FRAS1: variants seen among roughly 807,000 people sequenced by gnomAD.
FRAS1 encodes the protein Fraser extracellular matrix complex subunit 1.
FRAS1 carries 290 observed loss-of-function variants against 435.2 expected under a neutral mutation model. The ratio of observed to expected loss-of-function variants is 0.67; its 90% CI spans 0.61 to 0.73. FRAS1 has a LOEUF of 0.73. Among genes scored for constraint, FRAS1 ranks in the 30% least tolerant of loss-of-function variants. The pLI is 0.00. For synonymous variants in FRAS1, 1,800 were observed against 1,851.0 expected (o/e 0.97, Z 0.71); for missense variants, 4,860 against 5,001.5 (o/e 0.97, Z 0.85).
At position 78,540,675 on chromosome 4, in the gene FRAS1, C is replaced by G. The variant is rs764563912; in HGVS notation, c.11590C>G (p.Leu3864Val). 1.2e-6 allele frequency: 2 copies of G among 1,613,578 alleles called. No homozygotes were observed. The highest frequency in any genetic ancestry group is 1.7e-6 in the Non-Finnish European group (2 of 1,179,642). ...GGTAGAGCCCGATGGCCAGCTGATC[C>G]TTGATGATTCCCTCATCTATGACAA... ...DLVEPDGQLILDDSLIYDNEG... is the reference protein window; with the variant it reads ...DLVEPDGQLIVDDSLIYDNEG... Residue 3864 changes from leucine (L) to valine (V), a missense_variant, in exon 74 of 74, where the codon CTT (leucine) becomes GTT (valine). Coordinates refer to ENST00000512123, the MANE Select transcript of FRAS1 (RefSeq NM_025074.7).
chr4:78,333,348 G>C lies in FRAS1; in HGVS notation c.2214G>C (p.Leu738=), dbSNP rs968200397. Residue 738 remains leucine (L), a synonymous_variant, in exon 19 of 74, where the codon CTG becomes CTC. Coordinates refer to ENST00000512123, the MANE Select transcript of FRAS1 (RefSeq NM_025074.7). ...NCTDCGPSHV[L]LDGQCLSQCP... is the part of the protein sequence containing the mutation. ...CAGACTGTGGGCCTTCCCATGTGCTGTTGGATGGGCAGTGCCTCTCCCAGT... is the reference window on the plus strand; with the variant it reads ...CAGACTGTGGGCCTTCCCATGTGCTCTTGGATGGGCAGTGCCTCTCCCAGT... 9 of 1,612,408 alleles carry C rather than the reference G, an allele frequency of 5.6e-6. No individual in the cohort carries two copies. Among genetic ancestry groups the C allele is most frequent in the Non-Finnish European group, 7.6e-6 (9 of 1,179,366 alleles).
intron 14 of FRAS1, among the ~76,000 whole-genome samples, chr4:78,307,178 G>T (rs1431932060): frequency 1.3e-5 from 2 of 152,180 alleles, no homozygotes; most frequent in African/African-American, 2.4e-5. Context: ...AGGCTGCTCG[G>T]GGGTCAGAGG....
chr4:78,158,752 T>C (rs1298586032), intron 2 of FRAS1, among the ~76,000 whole-genome samples: 2 of 152,200 alleles, frequency 1.3e-5, no homozygotes, highest in African/African-American at 2.4e-5. Context: ...GTAGCAAAAC[T>C]AAGTTTTCAT....
intron 4 of FRAS1, among the ~76,000 whole-genome samples, chr4:78,246,534 T>A (rs1296593212): frequency 6.6e-6 from 1 of 152,236 alleles, no homozygotes; most frequent in Non-Finnish European, 1.5e-5. Context: ...CGATTCAGCC[T>A]GTGTTATGTA....
At chr4:78,243,034 C>T (rs1268886253) in intron 3 of FRAS1, among the ~76,000 whole-genome samples, 1 of 152,146 alleles carries the variant, frequency 6.6e-6, no homozygotes, top group African/African-American at 2.4e-5. Context: ...CTGTCAGAAG[C>T]TATCCTGTCT....
In FRAS1 at chr4:78,475,748, C is replaced by T. The variant is rs151261646; in HGVS notation, c.7851+142C>T. 8.2e-4 allele frequency: 597 copies of T among 727,274 alleles called. 4 individuals are homozygous for T. The African/African-American group carries it at 9.6e-3, about 12-fold the overall frequency. The allele number at this position is 727,274 out of a possible 1,614,324, so 45.1% of individuals were successfully genotyped here. A position where few individuals can be genotyped will look rare whatever the true frequency, so the allele number is the denominator to read the frequency against. The stretch of plus-strand genomic sequence containing the variant: ...AGTATTAAATAGTTTTCCTATGTTC[C>T]CCTCCCATAGTACTTTGTTCTTCAC... On this transcript the variant is annotated intron_variant, in intron 54 of 73. Coordinates refer to ENST00000512123, the MANE Select transcript of FRAS1 (RefSeq NM_025074.7).
At chr4:78,373,774 A>AAATAATAATAATAATAATAAT (rs58619851) in intron 24 of FRAS1, among the ~76,000 whole-genome samples, 1 of 151,348 alleles carries the variant, frequency 6.6e-6, no homozygotes, top group African/African-American at 2.4e-5. Context: ...ACTCCGTCTT[A>AAATAATAATAATAATAATAAT]AATAATAATA....
chr4:78,275,320 G>A (rs1158547594), intron 9 of FRAS1, among the ~76,000 whole-genome samples: 4 of 152,166 alleles, frequency 2.6e-5, no homozygotes, highest in African/African-American at 9.6e-5. Flanking sequence ...TTACATTTAA[G>A]GTTAATATTG....
At position 78,452,210 on chromosome 4, in the gene FRAS1, G is replaced by A. The variant is rs1372721433; in HGVS notation, c.6619G>A (p.Gly2207Arg). Residue 2207 changes from glycine to arginine, a missense_variant, in exon 47 of 74, where the codon GGA (glycine) becomes AGA (arginine). Coordinates refer to ENST00000512123, the MANE Select transcript of FRAS1 (RefSeq NM_025074.7). ...KSPPVITTNK[G>R]LVLDENSVKK... ...CCCACCAGTCATCACCACCAATAAA[G>A]GACTGGTCTTGGATGAAAACTCAGT... 6 of 1,613,738 alleles carry A rather than the reference G, an allele frequency of 3.7e-6. No homozygotes were observed. The highest frequency in any genetic ancestry group is 8.5e-7 in the Non-Finnish European group (1 of 1,179,716).
intron 33 of FRAS1, among the ~76,000 whole-genome samples, chr4:78,420,618 G>A (rs1229291744): frequency 9.4e-6 from 1 of 105,972 alleles, no homozygotes; most frequent in East Asian, 1.9e-4. Context: ...TGTAGCCAAG[G>A]ATTATTGCAG....
chr4:78,278,617 T>A (rs1179403191), intron 9 of FRAS1, 38 bp from the exon 10 acceptor site: 1 of 1,181,824 alleles, frequency 8.5e-7, no homozygotes, highest in Non-Finnish European at 1.3e-6. Context: ...CTGGAGATGT[T>A]AATTTGATAT....
chr4:78,228,939 T>C (rs890831236), intron 2 of FRAS1, among the ~76,000 whole-genome samples: 13 of 152,168 alleles, frequency 8.5e-5, no homozygotes, highest in African/African-American at 2.9e-4. Context: ...AGCTAAGAGA[T>C]TTGTGCGGAG....
chr4:78,090,535 T>C (rs897900373), intron 2 of FRAS1, among the ~76,000 whole-genome samples: 1 of 152,142 alleles, frequency 6.6e-6, no homozygotes, highest in African/African-American at 2.4e-5. Flanking sequence ...GCTTTGTAGG[T>C]CAAAGAGGCC....
chr4:78,457,754 G>A (rs1361065052), intron 47 of FRAS1, among the ~76,000 whole-genome samples: 2 of 152,152 alleles, frequency 1.3e-5, no homozygotes, highest in East Asian at 1.9e-4. Context: ...ACTTATCAAG[G>A]TGTCGCTCAC....
At chr4:78,421,826 T>A in intron 33 of FRAS1, 37 bp from the exon 34 acceptor site, 1 of 1,611,834 alleles carries the variant, frequency 6.2e-7, no homozygotes. Context: ...GTGATGAGAA[T>A]TACTGTTGAT....
chr4:78,378,244 T>C (rs182939345), intron 26 of FRAS1, among the ~76,000 whole-genome samples: 28 of 152,286 alleles, frequency 1.8e-4, no homozygotes, highest in Admixed American at 1.3e-3. Context: ...ATATCATGAA[T>C]CAGCACATCA....
In FRAS1 at chr4:78,469,963, T is replaced by C; in HGVS notation, c.7258-15T>C. 6.3e-7 allele frequency: 1 copy of C among 1,594,300 alleles called. No individual in the cohort carries two copies. Among genetic ancestry groups the C allele is most frequent in the Non-Finnish European group, 8.6e-7 (1 of 1,163,174 alleles). On this transcript the variant is annotated splice_polypyrimidine_tract_variant and intron_variant, in intron 50 of 73. Transcript: ENST00000512123. Reference sequence around the variant, plus strand: ...CTTGTGAATGATGAGTTTTCTTTTCTGCCCTCCCCTTCAGATTATGACAGC... The same window carrying C: ...CTTGTGAATGATGAGTTTTCTTTTCCGCCCTCCCCTTCAGATTATGACAGC...
chr4:78,436,324 G>A (rs1388957129), intron 38 of FRAS1, among the ~76,000 whole-genome samples: 1 of 152,198 alleles, frequency 6.6e-6, no homozygotes, highest in Non-Finnish European at 1.5e-5. Context: ...TTTATACCAA[G>A]TGTGAGGAAG....
intron 20 of FRAS1, among the ~76,000 whole-genome samples, chr4:78,338,866 G>T (rs1321554638): frequency 6.6e-6 from 1 of 152,214 alleles, no homozygotes; most frequent in Non-Finnish European, 1.5e-5. Flanking sequence ...TGGTCCAGGT[G>T]ACCCATTTAT....
Sources: allele counts gnomAD v4.1 joint callset (sites outside exome capture counted in the v4.1 genomes callset), GRCh38; gene constraint gnomAD v4.1.1; transcripts MANE v1.5; gene names NCBI Gene and HGNC (gene_info 2026-07-23, HGNC 2026-07-21).